The following VPS33A variants were observed in gnomAD, a reference collection of about 807,000 sequenced individuals.
VPS33A encodes VPS33A core subunit of CORVET and HOPS complexes, also known as vacuolar protein sorting-associated protein 33A.
Under a neutral mutation model 71.8 loss-of-function variants are expected in VPS33A, and 32 were observed. The ratio of observed to expected loss-of-function variants is 0.45; its 90% CI spans 0.34 to 0.60. The LOEUF (loss-of-function observed/expected upper bound fraction) is 0.60, where lower values mean the gene tolerates loss of function less well. Among genes scored for constraint, VPS33A ranks in the 20% least tolerant of loss-of-function variants. The probability of loss-of-function intolerance (pLI) is 0.02; values close to 1 mark genes in which losing one functional copy is unlikely to be tolerated. For missense variants in VPS33A, 625 were observed against 748.5 expected (o/e 0.84, Z 1.92); for synonymous variants, 311 against 292.7 (o/e 1.06, Z -0.64).
chr12:122,245,075 A>G (rs1954759966), intron 6 of VPS33A, among the ~76,000 whole-genome samples: 1 of 152,098 alleles, frequency 6.6e-6, no homozygotes, highest in South Asian at 2.1e-4. Flanking sequence ...GACTTTTAGT[A>G]TTTTTTCAAA....
chr12:122,240,222 G>A (rs1397787978), intron 8 of VPS33A, among the ~76,000 whole-genome samples: 1 of 152,080 alleles, frequency 6.6e-6, no homozygotes, highest in Non-Finnish European at 1.5e-5. Flanking sequence ...CAGCTACTCG[G>A]GAGGCTAAGG....
chr12:122,252,921 A>T (rs1270650779), intron 4 of VPS33A: 1 of 152,126 alleles, frequency 6.6e-6, no homozygotes, highest in Admixed American at 6.5e-5. Context: ...ACCATTATCC[A>T]CTCATAAGTC....
intron 11 of VPS33A, among the ~76,000 whole-genome samples, chr12:122,233,322 T>C (rs1003573001): frequency 1.1e-4 from 16 of 151,970 alleles, no homozygotes; most frequent in African/African-American, 3.6e-4. Flanking sequence ...GCCTCCCTAG[T>C]TCAAGCAATT....
intron 7 of VPS33A, 108 bp downstream of exon 7, chr12:122,244,461 T>C (rs755939164): frequency 4.2e-5 from 41 of 979,888 alleles, no homozygotes; most frequent in African/African-American, 2.7e-4. Flanking sequence ...AAAAGTTGCA[T>C]TGAAGCCTGG....
At chr12:122,252,875 T>C (rs139658248) in intron 4 of VPS33A, 12 of 152,128 alleles carry the variant, frequency 7.9e-5, no homozygotes, top group African/African-American at 2.9e-4. Flanking sequence ...TCAGTAACAG[T>C]TAGCTTTTAT....
rs904892258 is a variant in VPS33A, at chr12:122,250,991, A to C, written c.592T>G (p.Cys198Gly). The change falls in exon 5 of 13, where the codon TGC (cysteine) becomes GGC (glycine). Residue 198 changes from cysteine (C) to glycine (G), a missense_variant. Physicochemically the swap from Cys to Gly is radical, Grantham distance 159 (BLOSUM62 -3). Transcript: ENST00000267199. Reference protein sequence around the residue: ...TIPQIFGKGECARQVANMMIR... With the variant: ...TIPQIFGKGEGARQVANMMIR... The stretch of plus-strand genomic sequence containing the variant: ...AAGCAGCCGGTTCTCACCCGAGCGC[A>C]TTCTCCTTTCCCAAAGATCTGGGGG... 3 of 1,613,556 alleles carry C rather than the reference A, an allele frequency of 1.9e-6. No homozygotes were observed. The highest frequency in any genetic ancestry group is 2.5e-6 in the Non-Finnish European group (3 of 1,179,616).
chr12:122,264,385 G>A lies in VPS33A; in HGVS notation c.103-186C>T, dbSNP rs559703526. Among the ~76,000 whole-genome samples, 20 of 152,124 alleles carry A rather than the reference G, an allele frequency of 1.3e-4. No homozygotes were observed. In the South Asian group the frequency reaches 3.9e-3, roughly 30 times the overall value. ...GAAAAAAGAATTTAAAAATTTTTTG[G>A]GGTTTTGCTGTTATTTTGTTTCTGA... On this transcript the variant is annotated intron_variant, in intron 1 of 12. Transcript: ENST00000267199.
chr12:122,258,219 T>A (rs938234848), intron 4 of VPS33A, among the ~76,000 whole-genome samples: 11 of 151,956 alleles, frequency 7.2e-5, no homozygotes, highest in African/African-American at 2.7e-4. Flanking sequence ...GTGAGACCTG[T>A]CTCTTTAAAA....
chr12:122,251,691 G>A (rs563529561), intron 4 of VPS33A, among the ~76,000 whole-genome samples: 3 of 151,754 alleles, frequency 2.0e-5, no homozygotes, highest in East Asian at 1.9e-4. Flanking sequence ...AACAAACACC[G>A]CATGTTCTCA....
chr12:122,255,198 T>C, intron 4 of VPS33A, among the ~76,000 whole-genome samples: 1 of 152,194 alleles, frequency 6.6e-6, no homozygotes, highest in Admixed American at 6.5e-5. Flanking sequence ...TACACAAATA[T>C]GGATTAATTA....
chr12:122,266,158 C>T (rs1422575088), intron 1 of VPS33A, 149 bp downstream of exon 1: 5 of 1,227,250 alleles, frequency 4.1e-6, no homozygotes, highest in Admixed American at 2.8e-5. Flanking sequence ...CTGCCTCCTG[C>T]ACAGGGGTGC....
chr12:122,231,838 C>T lies in VPS33A; in HGVS notation c.*408G>A, dbSNP rs1954564853. ...GTGGGAGGCCGAGGCAGGTGGATCACCTGAGGTCAGGAGTTTGAGACCAGC... is the reference window on the plus strand; with the variant it reads ...GTGGGAGGCCGAGGCAGGTGGATCATCTGAGGTCAGGAGTTTGAGACCAGC... On this transcript the variant is annotated 3_prime_UTR_variant, in exon 13 of 13. Coordinates refer to ENST00000267199, the MANE Select transcript of VPS33A (RefSeq NM_022916.6). 3.1e-6 allele frequency: 1 copy of T among 318,136 alleles called. No homozygotes were observed. The highest frequency in any genetic ancestry group is 1.6e-4 in the South Asian group (1 of 6,342). 19.7% of individuals were successfully genotyped at this position (318,136 alleles called of 1,614,324 possible).
chr12:122,254,779 C>T (rs962057491), intron 4 of VPS33A, among the ~76,000 whole-genome samples: 3 of 151,756 alleles, frequency 2.0e-5, no homozygotes, highest in African/African-American at 4.8e-5. Flanking sequence ...TGGCCAGGCG[C>T]GGTGGCTCAC....
intron 4 of VPS33A, among the ~76,000 whole-genome samples, chr12:122,252,570 G>T (rs1954860097): frequency 6.6e-6 from 1 of 151,336 alleles, no homozygotes; most frequent in Non-Finnish European, 1.5e-5. Flanking sequence ...GCGCCCAGCC[G>T]ACCCCATCTC....
intron 4 of VPS33A, among the ~76,000 whole-genome samples, chr12:122,255,629 T>TGGGAGGCGGAGGTTGCA (rs1414014366): frequency 7.6e-6 from 1 of 131,066 alleles, no homozygotes; most frequent in African/African-American, 2.9e-5. Context: ...CGCTTGAACC[T>TGGGAGGCGGAGGTTGCA]GGGAGGCGGA....
At chr12:122,233,627 G>A (rs1469720129) in intron 11 of VPS33A, among the ~76,000 whole-genome samples, 2 of 152,202 alleles carry the variant, frequency 1.3e-5, no homozygotes, top group African/African-American at 2.4e-5. Flanking sequence ...TAATCCTACA[G>A]AGGTGCTTGC....
intron 7 of VPS33A, among the ~76,000 whole-genome samples, chr12:122,243,574 C>A (rs1188842887): frequency 6.6e-6 from 1 of 152,048 alleles, no homozygotes; most frequent in Non-Finnish European, 1.5e-5. Flanking sequence ...ATGAACAAAG[C>A]GAACATAGCT....
intron 4 of VPS33A, among the ~76,000 whole-genome samples, chr12:122,259,652 T>C (rs1954966985): frequency 6.6e-6 from 1 of 152,038 alleles, no homozygotes; most frequent in Non-Finnish European, 1.5e-5. Context: ...AATGATAATA[T>C]CATTACAATG....
chr12:122,251,185 G>T, intron 4 of VPS33A, 86 bp from the exon 5 acceptor site: 1 of 872,312 alleles, frequency 1.1e-6, no homozygotes, highest in Non-Finnish European at 1.8e-6. Context: ...TGCAGCGACA[G>T]ACAATAAAAT....
Sources: gnomAD v4.1 joint callset for allele counts (sites outside exome capture counted in the v4.1 genomes callset) on GRCh38, gnomAD v4.1.1 for gene constraint, MANE v1.5 for transcripts, NCBI Gene and HGNC (gene_info 2026-07-23, HGNC 2026-07-21) for gene names.